XYLT1: variants seen among roughly 807,000 people sequenced by gnomAD.
XYLT1 encodes the protein xylosyltransferase 1, also known as beta-D-xylosyltransferase 1.
XYLT1 carries 36 observed loss-of-function variants against 91.3 expected under a neutral mutation model. The observed-to-expected ratio is 0.39, with a 90% CI of 0.30 to 0.52. The LOEUF (loss-of-function observed/expected upper bound fraction) is 0.52. Among genes scored for constraint, XYLT1 ranks in the 20% least tolerant of loss-of-function variants. XYLT1 has a pLI of 0.68. For synonymous variants in XYLT1, 588 were observed against 532.0 expected, an observed-to-expected ratio of 1.11 and a Z score of -1.45; for missense variants, 1,242 against 1,284.5, an observed-to-expected ratio of 0.97 and a Z score of 0.51.
chr16:17,115,963 T>C (rs1030900685), intron 11 of XYLT1, among the ~76,000 whole-genome samples: 1 of 140,642 alleles, frequency 7.1e-6, no homozygotes, highest in Non-Finnish European at 1.5e-5. Context: ...TAGCTTTATA[T>C]ATACTGACTT....
chr16:17,435,677 T>C (rs67792343), intron 1 of XYLT1, among the ~76,000 whole-genome samples: 30,695 of 151,970 alleles, frequency 0.2, 3,694 homozygotes, highest in African/African-American at 0.33. Context: ...GTTCCTACTA[T>C]GTGCCAGGCT....
intron 8 of XYLT1, 134 bp from the exon 9 acceptor site, chr16:17,134,869 C>G: frequency 1.9e-6 from 2 of 1,053,150 alleles, no homozygotes; most frequent in Non-Finnish European, 2.8e-6. Context: ...TTTTGCACCT[C>G]TGTGTTCTCA....
intron 5 of XYLT1, among the ~76,000 whole-genome samples, chr16:17,178,175 G>T (rs2031986123): frequency 6.6e-6 from 1 of 152,094 alleles, no homozygotes; most frequent in Non-Finnish European, 1.5e-5. Flanking sequence ...TCTCCTCTCG[G>T]CCGCCCCTGG....
chr16:17,282,790 T>C (rs2034077033), intron 2 of XYLT1, among the ~76,000 whole-genome samples: 1 of 152,250 alleles, frequency 6.6e-6, no homozygotes, highest in Non-Finnish European at 1.5e-5. Flanking sequence ...GGGGTGTGTG[T>C]ATGAATATTT....
intron 3 of XYLT1, among the ~76,000 whole-genome samples, chr16:17,239,331 CAT>C (rs2033301660): frequency 6.8e-6 from 1 of 146,902 alleles, no homozygotes; most frequent in African/African-American, 2.5e-5. Flanking sequence ...TCCATCCATC[CAT>C]CATCCATCCA....
In XYLT1 at chr16:17,457,713, T is replaced by C. The variant is rs2036763262; in HGVS notation, c.363+12721A>G. On this transcript the variant is annotated intron_variant, in intron 1 of 11. Coordinates refer to ENST00000261381, the MANE Select transcript of XYLT1 (RefSeq NM_022166.4). ...AATACTTGATGACAAGCAAACGGGG[T>C]TCTCAGTGTCTTTCATAACAGCTGC... Among the ~76,000 whole-genome samples, 5 of 152,312 alleles carry C rather than the reference T, an allele frequency of 3.3e-5. No individual in the cohort carries two copies. In the South Asian group the frequency reaches 1.0e-3, roughly 32 times the overall value.
In XYLT1 at chr16:17,461,220, C is replaced by T. The variant is rs543097630; in HGVS notation, c.363+9214G>A. Reference sequence around the variant, plus strand: ...GGCCTCATGGACAGTTCTGGGATGGCAGAGACCTCAGGGCTCCCAGGGCTC... The same window carrying T: ...GGCCTCATGGACAGTTCTGGGATGGTAGAGACCTCAGGGCTCCCAGGGCTC... On this transcript the variant is annotated intron_variant, in intron 1 of 11. Transcript: ENST00000261381. 5.9e-5 allele frequency among the ~76,000 whole-genome samples: 9 copies of T among 152,314 alleles called. No individual in the cohort carries two copies. In the South Asian group the frequency reaches 1.9e-3, roughly 32 times the overall value.
intron 8 of XYLT1, among the ~76,000 whole-genome samples, chr16:17,135,563 CA>C (rs112216252): frequency 0.046 from 5,375 of 117,048 alleles, 289 homozygotes; most frequent in African/African-American, 0.13. Flanking sequence ...GAGTGTAGCT[CA>C]AAAAAAAAAA....
intron 6 of XYLT1, among the ~76,000 whole-genome samples, chr16:17,152,970 T>A (rs1219414481): frequency 2.0e-5 from 3 of 152,168 alleles, no homozygotes; most frequent in Non-Finnish European, 2.9e-5. Flanking sequence ...CATGCCCACT[T>A]ATAAAGGGCC....
intron 1 of XYLT1, among the ~76,000 whole-genome samples, chr16:17,381,508 C>A (rs756961736): frequency 6.7e-6 from 1 of 149,312 alleles, no homozygotes; most frequent in Non-Finnish European, 1.5e-5. Context: ...CGGCTCACTG[C>A]AACCTCTGCC....
intron 2 of XYLT1, among the ~76,000 whole-genome samples, chr16:17,276,269 T>C (rs188928462): frequency 3.6e-3 from 551 of 152,336 alleles, no homozygotes; most frequent in Non-Finnish European, 5.9e-3. Flanking sequence ...ATTGGCCAAG[T>C]TCCTGAAGGA....
At chr16:17,451,722 C>T (rs1013788087) in intron 1 of XYLT1, among the ~76,000 whole-genome samples, 1 of 152,134 alleles carries the variant, frequency 6.6e-6, no homozygotes, top group Admixed American at 6.5e-5. Flanking sequence ...TGTGGAGTAG[C>T]CTTGAGCTTA....
intron 2 of XYLT1, among the ~76,000 whole-genome samples, chr16:17,276,180 C>G (rs1228385137): frequency 4.6e-5 from 7 of 152,198 alleles, no homozygotes; most frequent in African/African-American, 1.2e-4. Flanking sequence ...ATGCTGCTGT[C>G]ACCCCCTAAA....
chr16:17,424,271 G>C (rs2036286007), intron 1 of XYLT1, among the ~76,000 whole-genome samples: 1 of 152,200 alleles, frequency 6.6e-6, no homozygotes, highest in African/African-American at 2.4e-5. Context: ...CCTGTCAAAT[G>C]AAAGCAAGGA....
chr16:17,386,081 G>A lies in XYLT1; in HGVS notation c.364-28031C>T, dbSNP rs117673367. On this transcript the variant is annotated intron_variant, in intron 1 of 11. Coordinates refer to ENST00000261381, the MANE Select transcript of XYLT1 (RefSeq NM_022166.4). ...TTGGTATTATTTAGGGGGGAAAACC[G>A]GTATCGCTTTAAATAAATACATGAC... 6.1e-3 allele frequency among the ~76,000 whole-genome samples: 924 copies of A among 152,180 alleles called. 2 individuals carry two copies. The highest frequency in any genetic ancestry group is 0.01 in the Non-Finnish European group (689 of 68,024).
chr16:17,312,020 G>A lies in XYLT1; in HGVS notation c.402+45992C>T, dbSNP rs528400392. On this transcript the variant is annotated intron_variant, in intron 2 of 11. Coordinates refer to ENST00000261381, the MANE Select transcript of XYLT1 (RefSeq NM_022166.4). This position sits in a 1 kb window ranked among gnomAD's most constrained non-coding sequence, Gnocchi z 4.4. The stretch of plus-strand genomic sequence containing the variant: ...GAGCTACAATTCAAGATGAGATTTG[G>A]GTGGGGACACAACCAAACCATATCA... Among the ~76,000 whole-genome samples the A allele has an allele frequency of 6.6e-6, 1 of 152,182 alleles. No individual in the cohort carries two copies. Among genetic ancestry groups the A allele is most frequent in the Non-Finnish European group, 1.5e-5 (1 of 67,996 alleles).
intron 3 of XYLT1, among the ~76,000 whole-genome samples, chr16:17,216,916 C>T (rs183745007): frequency 6.6e-5 from 10 of 152,316 alleles, no homozygotes; most frequent in South Asian, 2.1e-4. Flanking sequence ...ACAACAGCAA[C>T]GAGCAGCAAT....
At chr16:17,462,726 GA>G (rs367756706) in intron 1 of XYLT1, among the ~76,000 whole-genome samples, 1 of 152,078 alleles carries the variant, frequency 6.6e-6, no homozygotes, top group Admixed American at 6.6e-5. Context: ...AAAGAACCCT[GA>G]ACAATATCCT....
intron 1 of XYLT1, among the ~76,000 whole-genome samples, chr16:17,461,054 A>C (rs2036813328): frequency 6.6e-6 from 1 of 152,194 alleles, no homozygotes; most frequent in South Asian, 2.1e-4. Context: ...ATGATGTCAG[A>C]CCACTGTCTT....
Sources: allele counts gnomAD v4.1 joint callset (sites outside exome capture counted in the v4.1 genomes callset), GRCh38; gene constraint gnomAD v4.1.1; non-coding constraint Gnocchi (gnomAD v3.1); transcripts MANE v1.5; gene names NCBI Gene and HGNC (gene_info 2026-07-23, HGNC 2026-07-21).